Variants in ZMYM2 observed in about 807,000 individuals in gnomAD.
ZMYM2 encodes zinc finger MYM-type protein 2.
ZMYM2 carries 56 observed loss-of-function variants against 162.8 expected under a neutral mutation model. The ratio of observed to expected loss-of-function variants is 0.34; its 90% CI spans 0.28 to 0.43. The LOEUF (loss-of-function observed/expected upper bound fraction) is 0.43. Ranked by LOEUF, ZMYM2 falls within the 20% of genes least tolerant of loss-of-function variation. ZMYM2 has a pLI of 1.00. For synonymous variants in ZMYM2, 510 were observed against 541.6 expected (o/e 0.94, Z 0.81); for missense variants, 1,275 against 1,621.8 (o/e 0.79, Z 3.67).
chr13:19,873,380 T>TTTTTTTTATTTA, the ZMYM2 span, among the ~76,000 whole-genome samples: 8 of 136,952 alleles, frequency 5.8e-5, no homozygotes, highest in South Asian at 4.9e-4. Context: ...ACAGAGTCAA[T>TTTTTTTTATTTA]TTTATTTATT....
chr13:19,926,153 G>T, the ZMYM2 span, among the ~76,000 whole-genome samples: 1 of 151,446 alleles, frequency 6.6e-6, no homozygotes, highest in East Asian at 2.0e-4. Flanking sequence ...TAGAGATGGG[G>T]TTTCACCATG....
chr13:19,999,836 T>C (rs4769079), intron 3 of ZMYM2, among the ~76,000 whole-genome samples: 90,276 of 151,992 alleles, frequency 0.59, 27,307 homozygotes, highest in South Asian at 0.7. Flanking sequence ...GTCTCACTCT[T>C]ACCCAGTCTG....
At chr13:20,033,496 C>T (rs1480279554) in intron 10 of ZMYM2, among the ~76,000 whole-genome samples, 1 of 152,160 alleles carries the variant, frequency 6.6e-6, no homozygotes, top group Admixed American at 6.5e-5. Context: ...CTAATGATTG[C>T]CTTACTACTT....
chr13:19,923,612 A>G, the ZMYM2 span, among the ~76,000 whole-genome samples: 2 of 147,696 alleles, frequency 1.4e-5, no homozygotes, highest in South Asian at 2.1e-4. Context: ...TTACACCCCA[A>G]CTTCCTAAGT....
At chr13:19,893,603 G>A in the ZMYM2 span, among the ~76,000 whole-genome samples, 2 of 151,742 alleles carry the variant, frequency 1.3e-5, no homozygotes, top group Admixed American at 1.3e-4. Flanking sequence ...AGCCAGGCGT[G>A]GTGGCGGGTG....
At chr13:19,971,650 T>G (rs1053471011) in intron 2 of ZMYM2, among the ~76,000 whole-genome samples, 1 of 152,104 alleles carries the variant, frequency 6.6e-6, no homozygotes, top group East Asian at 1.9e-4. Flanking sequence ...AATGGTGGAC[T>G]TCTCAGGCAA....
intron 6 of ZMYM2, among the ~76,000 whole-genome samples, chr13:20,008,418 A>G (rs1473736376): frequency 6.6e-6 from 1 of 152,262 alleles, no homozygotes; most frequent in African/African-American, 2.4e-5. Flanking sequence ...GGCGTGAGCC[A>G]TCATTCCCGC....
the ZMYM2 span, among the ~76,000 whole-genome samples, chr13:19,880,428 GA>G: frequency 6.6e-6 from 1 of 151,316 alleles, no homozygotes; most frequent in Non-Finnish European, 1.5e-5. Context: ...TCTTGTAACT[GA>G]ATTTTTTTTC....
At chr13:20,042,498 C>G (rs1427900514) in intron 12 of ZMYM2, among the ~76,000 whole-genome samples, 1 of 152,118 alleles carries the variant, frequency 6.6e-6, no homozygotes, top group Non-Finnish European at 1.5e-5. Context: ...GCTCCTGCTT[C>G]TCAGTGATCT....
chr13:20,010,532 A>G (rs191894473), intron 6 of ZMYM2, among the ~76,000 whole-genome samples: 60 of 152,146 alleles, frequency 3.9e-4, no homozygotes, highest in African/African-American at 1.4e-3. Flanking sequence ...CTTGTTGGCC[A>G]TTTGTGTATC....
the ZMYM2 span, among the ~76,000 whole-genome samples, chr13:19,872,999 C>CAAAAA: frequency 6.7e-6 from 1 of 150,264 alleles, no homozygotes. Flanking sequence ...GACTCTACCC[C>CAAAAA]AAAAAAAAAT....
intron 14 of ZMYM2, among the ~76,000 whole-genome samples, chr13:20,055,619 G>A (rs7323603): frequency 6.6e-6 from 1 of 152,278 alleles, no homozygotes; most frequent in Non-Finnish European, 1.5e-5. Flanking sequence ...TAGGCATGAA[G>A]TTATAATGTT....
chr13:20,002,713 C>A, intron 3 of ZMYM2, 137 bp from the exon 4 acceptor site: 2 of 1,073,812 alleles, frequency 1.9e-6, no homozygotes, highest in Non-Finnish European at 2.6e-6. Context: ...GTGCTATATA[C>A]CTCTCTGCTA....
chr13:19,988,781 C>CA (rs778712045), intron 2 of ZMYM2, among the ~76,000 whole-genome samples: 12 of 149,088 alleles, frequency 8.0e-5, no homozygotes, highest in African/African-American at 1.5e-4. Flanking sequence ...GACTCCATCT[C>CA]AAAAAAAAAG....
At chr13:19,878,077 G>A in the ZMYM2 span, among the ~76,000 whole-genome samples, 38 of 149,332 alleles carry the variant, frequency 2.5e-4, no homozygotes, top group African/African-American at 9.3e-4. Flanking sequence ...TTTTGAGATG[G>A]AGTCTTGCTC....
At chr13:20,039,827 C>T (rs1954076565) in intron 12 of ZMYM2, among the ~76,000 whole-genome samples, 2 of 152,142 alleles carry the variant, frequency 1.3e-5, no homozygotes, top group Non-Finnish European at 2.9e-5. Context: ...GCCTTTTCTG[C>T]ATCTATTGAG....
At position 20,089,099 on chromosome 13, in the gene ZMYM2, A is replaced by G; in HGVS notation, c.*3085A>G. 1 of 199,288 alleles carries G rather than the reference A, an allele frequency of 5.0e-6. No individual in the cohort carries two copies. Among genetic ancestry groups the G allele is most frequent in the Non-Finnish European group, 1.0e-5 (1 of 96,362 alleles). 12.3% of individuals were successfully genotyped at this position (199,288 alleles called of 1,614,324 possible). On this transcript the variant is annotated 3_prime_UTR_variant, in exon 25 of 25. Coordinates refer to ENST00000610343, the MANE Select transcript of ZMYM2 (RefSeq NM_197968.4). The stretch of plus-strand genomic sequence containing the variant: ...TACATGAAAATATTTTTAAAGAATA[A>G]ATTTCTTTAAATTACATACTTTTGG...
intron 2 of ZMYM2, among the ~76,000 whole-genome samples, chr13:19,985,601 G>T (rs774040177): frequency 6.6e-5 from 10 of 152,038 alleles, no homozygotes; most frequent in Admixed American, 2.0e-4. Context: ...TACTCAGGAG[G>T]CTGAGGCAGA....
the ZMYM2 span, among the ~76,000 whole-genome samples, chr13:19,912,358 G>A: frequency 9.8e-4 from 141 of 144,228 alleles, 2 homozygotes; most frequent in East Asian, 0.025. Flanking sequence ...TTTGAGACAG[G>A]GTCTCACTCT....
Sources: allele counts gnomAD v4.1 joint callset (sites outside exome capture counted in the v4.1 genomes callset), GRCh38; gene constraint gnomAD v4.1.1; transcripts MANE v1.5; gene names NCBI Gene and HGNC (gene_info 2026-07-23, HGNC 2026-07-21).